Variants in CSRNP1 observed in about 807,000 individuals in gnomAD.
CSRNP1 encodes the protein cysteine and serine rich nuclear protein 1.
Under a neutral mutation model 25.0 loss-of-function variants are expected in CSRNP1, and 8 were observed. The ratio of observed to expected loss-of-function variants is 0.32; its 90% CI spans 0.19 to 0.58. The LOEUF (loss-of-function observed/expected upper bound fraction) is 0.58, where lower values mean the gene tolerates loss of function less well. Ranked by LOEUF, CSRNP1 falls within the 20% of genes least tolerant of loss-of-function variation. The probability of loss-of-function intolerance (pLI) is 0.88; values close to 1 mark genes in which losing one functional copy is unlikely to be tolerated. For missense variants in CSRNP1, 691 were observed against 773.1 expected (o/e 0.89, Z 1.26); for synonymous variants, 305 against 303.1 (o/e 1.01, Z -0.06).
Position 39,143,590 on chromosome 3 carries a change from C to CCTTCCTCCT in CSRNP1, c.1226_1234dup (p.Glu409_Glu411dup), listed in dbSNP as rs749162328. 1.2e-6 allele frequency: 2 copies of CCTTCCTCCT among 1,614,044 alleles called. No homozygotes were observed. The highest frequency in any genetic ancestry group is 2.2e-5 in the East Asian group (1 of 44,850). ...GAGGTTGTCCAGGTTCCCCACGCTC[C>CCTTCCTCCT]CTTCCTCCTCTTCCTCCTCCTCCCC... On this transcript the variant is annotated inframe_insertion, in exon 5 of 5. Coordinates refer to ENST00000273153, the MANE Select transcript of CSRNP1 (RefSeq NM_033027.4).
In CSRNP1 at chr3:39,142,462, A is replaced by C. The variant is rs929082144; in HGVS notation, c.*593T>G. 6.5e-6 allele frequency: 1 copy of C among 152,832 alleles called. No homozygotes were observed. Among genetic ancestry groups the C allele is most frequent in the African/African-American group, 2.4e-5 (1 of 41,456 alleles). 9.5% of individuals were successfully genotyped at this position (152,832 alleles called of 1,614,324 possible). On this transcript the variant is annotated 3_prime_UTR_variant, in exon 5 of 5. Transcript: ENST00000273153. ...GATCACAGAGCTCAAATCCACACCT[A>C]GTCTGCACCAAAGCCCAGGCAGGGC...
chr3:39,149,858 AC>A (rs771914716), intron 1 of CSRNP1: 4 of 151,702 alleles, frequency 2.6e-5, no homozygotes, highest in Non-Finnish European at 4.4e-5. Context: ...TGAATCCCCC[AC>A]TCCTTCCTCC....
chr3:39,146,370 A>G, intron 2 of CSRNP1, 108 bp downstream of exon 2: 1 of 1,356,836 alleles, frequency 7.4e-7, no homozygotes, highest in Non-Finnish European at 9.9e-7. Flanking sequence ...AGCTACCGCC[A>G]TGGGGACCTA....
At position 39,145,186 on chromosome 3, in the gene CSRNP1, G is replaced by A. The variant is rs1437197700; in HGVS notation, c.276C>T (p.Phe92=). Residue 92 remains phenylalanine (F), a synonymous_variant, in exon 3 of 5, where the codon TTC becomes TTT. Transcript: ENST00000273153. Reference sequence around the variant, plus strand: ...TGAAGCCCTGGCAGCGGGGGAAGTAGAAGACGGTGATCCCATCAAAGGCTA... The same window carrying A: ...TGAAGCCCTGGCAGCGGGGGAAGTAAAAGACGGTGATCCCATCAAAGGCTA... ...GRVAFDGITV[F]YFPRCQGFTS... is the part of the protein sequence containing the mutation. The A allele has an allele frequency of 1.2e-6, 2 of 1,614,090 alleles. No individual in the cohort carries two copies. The highest frequency in any genetic ancestry group is 1.7e-5 in the Admixed American group (1 of 60,012).
At chr3:39,146,996 AGGCACCT>A (rs2039521973) in intron 1 of CSRNP1, among the ~76,000 whole-genome samples, 1 of 152,054 alleles carries the variant, frequency 6.6e-6, no homozygotes, top group African/African-American at 2.4e-5. Context: ...CCCAGGCACC[AGGCACCT>A]TCCCCACTAC....
chr3:39,146,367 G>A (rs13084317), intron 2 of CSRNP1, 111 bp downstream of exon 2: 425,100 of 1,329,750 alleles, frequency 0.32, 70,610 homozygotes, highest in African/African-American at 0.46. Context: ...GAGAGCTACC[G>A]CCATGGGGAC....
In CSRNP1 at chr3:39,153,569, A is replaced by AGCG. The variant is rs918217371; in HGVS notation, c.-175_-173dup. 72 of 154,100 alleles carry AGCG rather than the reference A, an allele frequency of 4.7e-4. No individual in the cohort carries two copies. The highest frequency in any genetic ancestry group is 5.9e-4 in the Admixed American group (9 of 15,206). 9.5% of individuals were successfully genotyped at this position (154,100 alleles called of 1,614,324 possible). On this transcript the variant is annotated 5_prime_UTR_variant, in exon 1 of 5. Coordinates refer to ENST00000273153, the MANE Select transcript of CSRNP1 (RefSeq NM_033027.4). ...CCGCCCCTCGCTCTGCGCGTCCGGC[A>AGCG]GCGGCGGCGGCGGCGGGAGACTGCC...
In CSRNP1 at chr3:39,143,394, G is replaced by A. The variant is rs1476844115; in HGVS notation, c.1431C>T (p.Ser477=). Residue 477 remains serine (S), a synonymous_variant, in exon 5 of 5, where the codon AGC becomes AGT. Transcript: ENST00000273153. ...NGGLEGSREG[S]LPGTSVPPSM... is the part of the protein sequence containing the mutation. ...TGGGTGGCACTGAGGTGCCAGGAAG[G>A]CTGCCTTCCCTTGACCCTTCAAGGC... 1 of 1,614,154 alleles carries A rather than the reference G, an allele frequency of 6.2e-7. No individual in the cohort carries two copies. The highest frequency in any genetic ancestry group is 8.5e-7 in the Non-Finnish European group (1 of 1,180,000).
chr3:39,154,335 C>T (rs956684439), upstream of CSRNP1: 39 of 152,256 alleles, frequency 2.6e-4, no homozygotes, highest in African/African-American at 8.7e-4. Flanking sequence ...CGGGCCAGAT[C>T]TTGGCCACTT....
upstream of CSRNP1, chr3:39,153,605 C>T (rs1300201122): frequency 6.6e-6 from 1 of 151,964 alleles, no homozygotes; most frequent in African/African-American, 2.4e-5. Context: ...TGCGCCCAGC[C>T]CCGCCCGCCG....
At chr3:39,146,769 G>T in intron 1 of CSRNP1, 47 bp from the exon 2 acceptor site, 1 of 1,512,470 alleles carries the variant, frequency 6.6e-7, no homozygotes. Flanking sequence ...GGCAGCAGCA[G>T]GTGGACTTCC....
At chr3:39,146,382 CCA>C in intron 2 of CSRNP1, 94 bp downstream of exon 2, 1 of 1,426,386 alleles carries the variant, frequency 7.0e-7, no homozygotes, top group Non-Finnish European at 9.3e-7. Context: ...GGGGACCTAA[CCA>C]CCAGAGGCCA....
At chr3:39,149,840 G>A (rs2039559239) in intron 1 of CSRNP1, 2 of 152,432 alleles carry the variant, frequency 1.3e-5, no homozygotes, top group Non-Finnish European at 1.5e-5. Context: ...ATCTTTCAAG[G>A]GGCTTCCTGA....
chr3:39,144,549 C>A (rs571139942), intron 3 of CSRNP1, 98 bp from the exon 4 acceptor site: 84 of 1,183,870 alleles, frequency 7.1e-5, no homozygotes, highest in African/African-American at 6.2e-4. Flanking sequence ...CTTACCCCCC[C>A]ACTACTCGTG....
intron 1 of CSRNP1, chr3:39,152,890 C>T (rs1364895114): frequency 6.6e-6 from 1 of 152,358 alleles, no homozygotes; most frequent in Non-Finnish European, 1.5e-5. Flanking sequence ...ACGACACAAT[C>T]CCTCCCTCCC....
At chr3:39,146,246 C>T (rs1002475546) in intron 2 of CSRNP1, among the ~76,000 whole-genome samples, 1 of 152,166 alleles carries the variant, frequency 6.6e-6, no homozygotes, top group Non-Finnish European at 1.5e-5. Context: ...CCTGAGAGCA[C>T]TCTGCAGAGC....
At chr3:39,152,236 A>T (rs1176173047) in intron 1 of CSRNP1, 1 of 152,658 alleles carries the variant, frequency 6.6e-6, no homozygotes, top group Non-Finnish European at 1.5e-5. Context: ...AGGAGGGACC[A>T]GCACAGTGTG....
intron 1 of CSRNP1, among the ~76,000 whole-genome samples, chr3:39,147,623 T>C (rs2039533407): frequency 6.6e-6 from 1 of 152,088 alleles, no homozygotes; most frequent in Non-Finnish European, 1.5e-5. Flanking sequence ...CTTCGTGACA[T>C]GGAGCACCCC....
In CSRNP1 at chr3:39,143,860, C is replaced by A; in HGVS notation, c.965G>T (p.Ser322Ile). 1 of 1,614,212 alleles carries A rather than the reference C, an allele frequency of 6.2e-7. No homozygotes were observed. Among genetic ancestry groups the A allele is most frequent in the Non-Finnish European group, 8.5e-7 (1 of 1,180,026 alleles). ...AGGGACCAGGGCCTCCTCACCAGGG[C>A]TGGGTGGGCTGCCCTGGGCAGGGGC... ...LEAPAQGSPP[S>I]PGEEALVPTF... Residue 322 changes from serine (S) to isoleucine (I), a missense_variant, in exon 5 of 5, where the codon AGC becomes ATC. Physicochemically the swap from Ser to Ile is moderately radical, Grantham distance 142 (BLOSUM62 -2). Coordinates refer to ENST00000273153, the MANE Select transcript of CSRNP1 (RefSeq NM_033027.4).
Sources: gnomAD v4.1 joint callset for allele counts (sites outside exome capture counted in the v4.1 genomes callset) on GRCh38, gnomAD v4.1.1 for gene constraint, MANE v1.5 for transcripts, NCBI Gene and HGNC (gene_info 2026-07-23, HGNC 2026-07-21) for gene names.